Variants in NAALADL2 observed in about 807,000 individuals in gnomAD.
NAALADL2 encodes the protein inactive N-acetylated-alpha-linked acidic dipeptidase-like protein 2.
In NAALADL2, 76 loss-of-function variants were observed where a neutral mutation model predicts 87.2. The ratio of observed to expected loss-of-function variants is 0.87; its 90% CI spans 0.72 to 1.05. NAALADL2 has a LOEUF of 1.05. Among genes scored for constraint, NAALADL2 ranks in the 50% least tolerant of loss-of-function variants. The probability of loss-of-function intolerance (pLI) is 0.00; values close to 1 mark genes in which losing one functional copy is unlikely to be tolerated. For synonymous variants in NAALADL2, 354 were observed against 331.0 expected (o/e 1.07, Z -0.75); for missense variants, 1,089 against 945.8 (o/e 1.15, Z -1.99).
chr3:174,519,326 CTTTT>C (rs557612913), intron 1 of NAALADL2, among the ~76,000 whole-genome samples: 4 of 128,910 alleles, frequency 3.1e-5, no homozygotes, highest in Non-Finnish European at 3.3e-5. Context: ...TGAAGATTTC[CTTTT>C]TTTTTTTTTT....
rs1030491722 is a variant in NAALADL2 at position 175,807,251 on chromosome 3, A to G, written c.*4048A>G. On this transcript the variant is annotated 3_prime_UTR_variant, in exon 14 of 14. Coordinates refer to ENST00000454872, the MANE Select transcript of NAALADL2 (RefSeq NM_207015.3). The stretch of plus-strand genomic sequence containing the variant: ...ATGTTATTTTTAAAAATTCAGAATA[A>G]CCAATTGACTTTTTAAATTAAATAA... The G allele has an allele frequency of 1.3e-5, 2 of 151,920 alleles. No homozygotes were observed. The highest frequency in any genetic ancestry group is 3.9e-4 in the East Asian group (2 of 5,178). The allele number at this position is 151,920 out of a possible 1,614,324, so 9.4% of individuals were successfully genotyped here. A position where few individuals can be genotyped will look rare whatever the true frequency, so the allele number is the denominator to read the frequency against.
chr3:175,492,036 C>G (rs560002528), intron 9 of NAALADL2, among the ~76,000 whole-genome samples: 4 of 152,298 alleles, frequency 2.6e-5, no homozygotes, highest in African/African-American at 9.6e-5. Context: ...GGGTAAAGCT[C>G]TGTAGCAGTT....
intron 2 of NAALADL2, among the ~76,000 whole-genome samples, chr3:175,168,511 CT>C (rs1734311558): frequency 6.6e-6 from 1 of 151,712 alleles, no homozygotes; most frequent in Non-Finnish European, 1.5e-5. Context: ...AATGGAAATA[CT>C]TTAAAAATAA....
At chr3:175,475,059 A>G (rs1006645349) in intron 9 of NAALADL2, among the ~76,000 whole-genome samples, 1 of 150,816 alleles carries the variant, frequency 6.6e-6, no homozygotes, top group African/African-American at 2.4e-5. Context: ...TTAGTATTGT[A>G]TATATTTGTG....
intron 5 of NAALADL2, chr3:175,369,733 G>T (rs1315792734): frequency 6.6e-6 from 1 of 152,190 alleles, no homozygotes; most frequent in Non-Finnish European, 1.5e-5. Context: ...CTTAGTAAAA[G>T]TCCCAAGTTT....
At chr3:175,101,261 A>G (rs1342491373) in intron 2 of NAALADL2, among the ~76,000 whole-genome samples, 1 of 152,204 alleles carries the variant, frequency 6.6e-6, no homozygotes, top group Non-Finnish European at 1.5e-5. Context: ...ATATTCTCCA[A>G]TACACTATTC....
chr3:174,915,589 T>C (rs911667594), intron 1 of NAALADL2, among the ~76,000 whole-genome samples: 1 of 152,150 alleles, frequency 6.6e-6, no homozygotes, highest in African/African-American at 2.4e-5. Flanking sequence ...TTCAGATTTA[T>C]TTATTATATT....
chr3:175,708,604 GAAAA>G (rs374500614), intron 11 of NAALADL2, among the ~76,000 whole-genome samples: 1 of 145,174 alleles, frequency 6.9e-6, no homozygotes, highest in African/African-American at 2.5e-5. Context: ...ACTAGGATGA[GAAAA>G]AAAAAAACAA....
At chr3:174,930,573 C>A (rs1736708806) in intron 1 of NAALADL2, among the ~76,000 whole-genome samples, 1 of 146,856 alleles carries the variant, frequency 6.8e-6, no homozygotes, top group Non-Finnish European at 1.5e-5. Context: ...ATATTATATA[C>A]CAAAATAACA....
chr3:175,723,428 T>A (rs2150040650), intron 11 of NAALADL2, among the ~76,000 whole-genome samples: 1 of 152,324 alleles, frequency 6.6e-6, no homozygotes, highest in Non-Finnish European at 1.5e-5. Flanking sequence ...AAGGCTAATG[T>A]GTTTTCAACA....
intron 1 of NAALADL2, among the ~76,000 whole-genome samples, chr3:174,980,757 T>C (rs768113284): frequency 6.6e-6 from 1 of 152,172 alleles, no homozygotes; most frequent in Non-Finnish European, 1.5e-5. Flanking sequence ...GGGACCTATT[T>C]TTCTGTGTAT....
chr3:174,750,440 T>C (rs1479350003), intron 3 of NAALADL2, among the ~76,000 whole-genome samples: 1 of 78,704 alleles, frequency 1.3e-5, no homozygotes, highest in African/African-American at 5.3e-5. Flanking sequence ...TTTATTTTGT[T>C]TTTTTTGGAG....
At chr3:175,110,475 G>C (rs1274141128) in intron 2 of NAALADL2, among the ~76,000 whole-genome samples, 1 of 151,746 alleles carries the variant, frequency 6.6e-6, no homozygotes, top group Non-Finnish European at 1.5e-5. Flanking sequence ...TTTTGGGAAG[G>C]CATTCTGCTG....
At chr3:175,670,277 A>C (rs1397993816) in intron 11 of NAALADL2, among the ~76,000 whole-genome samples, 1 of 151,690 alleles carries the variant, frequency 6.6e-6, no homozygotes, top group Non-Finnish European at 1.5e-5. Flanking sequence ...CAAAGTATTA[A>C]CAAGAGCTAC....
chr3:174,723,785 C>G (rs1345754899), intron 2 of NAALADL2, among the ~76,000 whole-genome samples: 1 of 81,656 alleles, frequency 1.2e-5, no homozygotes, highest in Non-Finnish European at 2.8e-5. Flanking sequence ...AAAAAAAAAG[C>G]CTAGATAGAA....
intron 3 of NAALADL2, among the ~76,000 whole-genome samples, chr3:174,760,351 T>TTTC (rs1712759126): frequency 6.6e-6 from 1 of 152,244 alleles, no homozygotes; most frequent in East Asian, 1.9e-4. Context: ...GCCAGTTGAA[T>TTTC]TTCTTAACCT....
At chr3:174,595,084 C>G (rs1018700242) in intron 2 of NAALADL2, among the ~76,000 whole-genome samples, 2 of 152,104 alleles carry the variant, frequency 1.3e-5, no homozygotes, top group African/African-American at 4.8e-5. Flanking sequence ...CTTATTTCTG[C>G]GGCATAAAAA....
intron 2 of NAALADL2, among the ~76,000 whole-genome samples, chr3:175,219,327 A>G (rs1237122862): frequency 6.6e-6 from 1 of 152,154 alleles, no homozygotes; most frequent in East Asian, 1.9e-4. Flanking sequence ...TATTGTTCAT[A>G]TAACTATTTC....
chr3:174,793,398 A>T (rs1014753193), intron 3 of NAALADL2, among the ~76,000 whole-genome samples: 5 of 152,144 alleles, frequency 3.3e-5, no homozygotes, highest in African/African-American at 1.2e-4. Context: ...AAGATACATT[A>T]TATTGATTAA....
Sources: allele counts gnomAD v4.1 joint callset (sites outside exome capture counted in the v4.1 genomes callset), GRCh38; gene constraint gnomAD v4.1.1; transcripts MANE v1.5; gene names NCBI Gene and HGNC (gene_info 2026-07-23, HGNC 2026-07-21).